DLG2: variants seen among roughly 807,000 people sequenced by gnomAD.
The protein encoded by DLG2 is disks large homolog 2.
DLG2 carries 45 observed loss-of-function variants against 132.5 expected under a neutral mutation model. The ratio of observed to expected loss-of-function variants is 0.34; its 90% CI spans 0.27 to 0.44. DLG2 has a LOEUF of 0.44. DLG2 is among the 20% of genes least tolerant of loss of function. The pLI, the probability that DLG2 is intolerant of heterozygous loss-of-function variation, is 1.00. For synonymous variants in DLG2, 424 were observed against 419.6 expected, an observed-to-expected ratio of 1.01 and a Z score of -0.13; for missense variants, 1,045 against 1,196.9, an observed-to-expected ratio of 0.87 and a Z score of 1.87.
chr11:85,369,629 A>G (rs2084824553), intron 3 of DLG2, among the ~76,000 whole-genome samples: 1 of 152,130 alleles, frequency 6.6e-6, no homozygotes, highest in Non-Finnish European at 1.5e-5. Context: ...TTTGTGCTCC[A>G]AGCCTCCATC....
intron 3 of DLG2, among the ~76,000 whole-genome samples, chr11:85,470,275 A>T (rs1018828225): frequency 1.3e-5 from 2 of 151,982 alleles, no homozygotes; most frequent in African/African-American, 4.8e-5. Flanking sequence ...AAAACAAAAA[A>T]CCCTGGCCCA....
At chr11:85,353,384 T>C (rs574161569) in intron 3 of DLG2, among the ~76,000 whole-genome samples, 3 of 152,300 alleles carry the variant, frequency 2.0e-5, no homozygotes, top group East Asian at 1.9e-4. Context: ...TTTTACACTG[T>C]TGGTGGGAGT....
chr11:84,663,317 A>G (rs180831351), intron 6 of DLG2, among the ~76,000 whole-genome samples: 1 of 151,416 alleles, frequency 6.6e-6, no homozygotes, highest in East Asian at 2.0e-4. Context: ...GAGGGCACTC[A>G]CCACCATCTC....
intron 6 of DLG2, among the ~76,000 whole-genome samples, chr11:85,014,335 A>G (rs1024239293): frequency 1.3e-5 from 2 of 152,198 alleles, no homozygotes; most frequent in Admixed American, 1.3e-4. Flanking sequence ...TTGGTGCTCA[A>G]TATGTTTTAG....
At chr11:84,129,609 T>C (rs1454683877) in intron 9 of DLG2, among the ~76,000 whole-genome samples, 1 of 152,074 alleles carries the variant, frequency 6.6e-6, no homozygotes, top group Admixed American at 6.6e-5. Context: ...AAGAAGTATA[T>C]AGTTGCTTTT....
chr11:84,491,171 C>T (rs1465608553), intron 7 of DLG2, among the ~76,000 whole-genome samples: 2 of 152,018 alleles, frequency 1.3e-5, no homozygotes, highest in African/African-American at 2.4e-5. Flanking sequence ...TATGGTTTGG[C>T]TGTGTCCCCA....
intron 6 of DLG2, among the ~76,000 whole-genome samples, chr11:85,014,833 A>G (rs759894339): frequency 1.3e-5 from 2 of 152,086 alleles, no homozygotes; most frequent in Non-Finnish European, 1.5e-5. Flanking sequence ...GAGAAAATCA[A>G]ATTACTTTAG....
At chr11:84,976,879 A>G (rs1216159008) in intron 6 of DLG2, among the ~76,000 whole-genome samples, 3 of 152,198 alleles carry the variant, frequency 2.0e-5, no homozygotes, top group Admixed American at 6.6e-5. Flanking sequence ...AAATAAGGAA[A>G]GAAATCTGTG....
At chr11:84,584,583 C>T (rs2099524536) in intron 6 of DLG2, among the ~76,000 whole-genome samples, 1 of 148,082 alleles carries the variant, frequency 6.8e-6, no homozygotes, top group Non-Finnish European at 1.5e-5. Context: ...CCAGGTTAGT[C>T]TCAAACTCCT....
chr11:83,801,165 C>CCTTA (rs1467239891), intron 17 of DLG2, among the ~76,000 whole-genome samples: 1 of 152,110 alleles, frequency 6.6e-6, no homozygotes, highest in Non-Finnish European at 1.5e-5. Context: ...CCATGCAATC[C>CCTTA]CTTAGTTCAT....
At position 85,359,131 on chromosome 11, in the gene DLG2, T is replaced by A. The variant is rs562077390; in HGVS notation, c.41-73766A>T. ...GTTATCACACGAATAATTTACACAG[T>A]CTCATTAAGTTGGCTTTTAACCTCA... On this transcript the variant is annotated intron_variant, in intron 3 of 27. Coordinates refer to ENST00000376104, the MANE Select transcript of DLG2 (RefSeq NM_001142699.3). 3.3e-5 allele frequency among the ~76,000 whole-genome samples: 5 copies of A among 152,286 alleles called. No individual in the cohort carries two copies. The East Asian group carries it at 9.6e-4, about 29-fold the overall frequency.
At chr11:84,198,456 A>T (rs1034676406) in intron 8 of DLG2, among the ~76,000 whole-genome samples, 15 of 152,178 alleles carry the variant, frequency 9.9e-5, no homozygotes, top group East Asian at 3.8e-4. Context: ...AAATTGAAGC[A>T]TACTAAATGG....
At chr11:84,703,883 TAC>T (rs1193280265) in intron 6 of DLG2, among the ~76,000 whole-genome samples, 1 of 119,922 alleles carries the variant, frequency 8.3e-6, no homozygotes, top group African/African-American at 4.2e-5. Context: ...TATATATATA[TAC>T]ACGTGTGTGT....
chr11:84,715,102 T>C (rs1004009683), intron 6 of DLG2, among the ~76,000 whole-genome samples: 1 of 152,062 alleles, frequency 6.6e-6, no homozygotes, highest in Non-Finnish European at 1.5e-5. Context: ...CAGGACTCTA[T>C]AACATTTTCA....
rs1348776546 is a variant in DLG2, at chr11:84,734,755, C to T, written c.358-200024G>A. Reference sequence around the variant, plus strand: ...ATGTTTCCAGTTTTTGCCCATTCAGCAAGATATTGGCTGTGGGTTTGTCAT... The same window carrying T: ...ATGTTTCCAGTTTTTGCCCATTCAGTAAGATATTGGCTGTGGGTTTGTCAT... On this transcript the variant is annotated intron_variant, in intron 6 of 27. Transcript: ENST00000376104. 6.6e-5 allele frequency among the ~76,000 whole-genome samples: 10 copies of T among 152,140 alleles called. No individual in the cohort carries two copies. The East Asian group carries it at 1.9e-3, about 29-fold the overall frequency.
intron 5 of DLG2, among the ~76,000 whole-genome samples, chr11:85,146,337 T>C (rs2076858626): frequency 6.6e-6 from 1 of 151,710 alleles, no homozygotes; most frequent in East Asian, 1.9e-4. Flanking sequence ...CTGTGCTGGA[T>C]AATACCTGAA....
At chr11:85,597,899 G>GT (rs34895191) in intron 3 of DLG2, among the ~76,000 whole-genome samples, 19,829 of 150,848 alleles carry the variant, frequency 0.13, 1,798 homozygotes, top group Non-Finnish European at 0.2. Context: ...TTAGTTGGTT[G>GT]TTTTTTTGGG....
chr11:85,319,652 A>T (rs1248788921), intron 3 of DLG2, among the ~76,000 whole-genome samples: 2 of 151,878 alleles, frequency 1.3e-5, no homozygotes, highest in African/African-American at 4.8e-5. Context: ...CAGTGTCTGA[A>T]TAGTTTGAAA....
intron 14 of DLG2, among the ~76,000 whole-genome samples, chr11:83,957,027 T>C (rs902982412): frequency 6.6e-6 from 1 of 152,220 alleles, no homozygotes; most frequent in Non-Finnish European, 1.5e-5. Flanking sequence ...AAAAATAACG[T>C]AGTTTGTAAT....
Sources: gnomAD v4.1 joint callset for allele counts (sites outside exome capture counted in the v4.1 genomes callset) on GRCh38, gnomAD v4.1.1 for gene constraint, MANE v1.5 for transcripts, NCBI Gene and HGNC (gene_info 2026-07-23, HGNC 2026-07-21) for gene names.